Variants in UTY observed in about 807,000 individuals in gnomAD.
UTY encodes ubiquitously transcribed tetratricopeptide repeat containing, Y-linked.
Under a neutral mutation model 32.5 loss-of-function variants are expected in UTY, and 12 were observed. The observed-to-expected ratio is 0.37, with a 90% CI of 0.24 to 0.60. The LOEUF (loss-of-function observed/expected upper bound fraction) is 0.60, where lower values mean the gene tolerates loss of function less well. UTY is among the 20% of genes least tolerant of loss of function. The pLI, the probability that UTY is intolerant of heterozygous loss-of-function variation, is 0.69. For missense variants in UTY, 303 were observed against 299.2 expected (o/e 1.01, Z -0.09); for synonymous variants, 131 against 103.4 (o/e 1.27, Z -1.62).
At chrY:13,309,297 A>C (rs748321789) in intron 21 of UTY, among the ~76,000 whole-genome samples, 2 of 33,661 alleles carry the variant, frequency 5.9e-5, no homozygotes, top group African/African-American at 2.3e-4. Context: ...ATTTAAAACT[A>C]CCTAATGTAG....
intron 27 of UTY, among the ~76,000 whole-genome samples, chrY:13,263,877 A>C (rs2055497229): frequency 5.9e-5 from 2 of 33,621 alleles, no homozygotes; most frequent in South Asian, 1.3e-3. Flanking sequence ...TTGGCTGCAC[A>C]CATCAACCGG....
chrY:13,391,079 A>G, intron 8 of UTY, among the ~76,000 whole-genome samples: 1 of 33,108 alleles, frequency 3.0e-5, no homozygotes, highest in Non-Finnish European at 7.5e-5. Flanking sequence ...GTCCACTAAC[A>G]TGAAGTTACC....
chrY:13,454,208 C>G, intron 3 of UTY, among the ~76,000 whole-genome samples: 1 of 32,721 alleles, frequency 3.1e-5, no homozygotes, highest in Non-Finnish European at 7.5e-5. Flanking sequence ...GAGCCAAGAT[C>G]ACGTCACTGC....
intron 3 of UTY, among the ~76,000 whole-genome samples, chrY:13,467,195 C>T (rs2077988072): frequency 5.9e-5 from 2 of 33,973 alleles, no homozygotes; most frequent in African/African-American, 2.3e-4. Flanking sequence ...TGAGCCACTG[C>T]GCCTCACCAA....
In UTY at chrY:13,454,697, G is replaced by A. The variant is rs1603469391; in HGVS notation, c.326-5631C>T. 1.9e-4 allele frequency among the ~76,000 whole-genome samples: 6 copies of A among 31,981 alleles called. No individual in the cohort carries two copies. The East Asian group carries it at 2.5e-3, about 13-fold the overall frequency. 85.8% of individuals were successfully genotyped at this position (31,981 alleles called of 37,273 possible). A position where few individuals can be genotyped will look rare whatever the true frequency, so the allele number is the denominator to read the frequency against. The stretch of plus-strand genomic sequence containing the variant: ...TAACGCCTACAATCCTAGCACTTAC[G>A]GAGGCCAAGGTGGGCAGATCACCTG... On this transcript the variant is annotated intron_variant, in intron 3 of 29. Transcript: ENST00000545955.
chrY:13,327,930 G>A (rs1388767178), intron 18 of UTY, among the ~76,000 whole-genome samples: 1 of 33,441 alleles, frequency 3.0e-5, no homozygotes, highest in Non-Finnish European at 7.4e-5. Context: ...AACCACCTCC[G>A]TAAAAAAAGA....
At position 13,355,956 on chromosome Y, in the gene UTY, T is replaced by C. The variant is rs767364336; in HGVS notation, c.1632A>G (p.Glu544=). The C allele has an allele frequency of 5.1e-6, 2 of 393,337 alleles. No homozygotes were observed. Among genetic ancestry groups the C allele is most frequent in the Non-Finnish European group, 7.1e-6 (2 of 280,771 alleles). Residue 544 remains glutamate, a synonymous_variant, in exon 16 of 30, where the codon GAA becomes GAG. Transcript: ENST00000545955. Reference sequence around the variant, plus strand: ...TTAAGACAAACTGACTTTCTAACTGTTCCAGCTGATGCTTCTGTGCTGGAT... The same window carrying C: ...TTAAGACAAACTGACTTTCTAACTGCTCCAGCTGATGCTTCTGTGCTGGAT... ...NLNPAQKHQL[E]QLESQFVLMQ... is the part of the protein sequence containing the mutation.
chrY:13,463,444 G>C (rs2077608775), intron 3 of UTY, among the ~76,000 whole-genome samples: 1 of 33,284 alleles, frequency 3.0e-5, no homozygotes, highest in Non-Finnish European at 7.4e-5. Context: ...TCATCACACT[G>C]TCTTCCACAA....
intron 15 of UTY, among the ~76,000 whole-genome samples, chrY:13,356,414 C>G: frequency 3.3e-5 from 1 of 30,473 alleles, no homozygotes; most frequent in South Asian, 7.9e-4. Flanking sequence ...CTTGGCCTCC[C>G]AAAGTGCTGG....
intron 4 of UTY, among the ~76,000 whole-genome samples, chrY:13,446,619 T>TAGACAGACAGACAGACAGAC (rs1556515334): frequency 2.3e-3 from 33 of 14,266 alleles, no homozygotes; most frequent in East Asian, 0.017. Context: ...GATAGATAGA[T>TAGACAGACAGACAGACAGAC]AGACAGACAG....
chrY:13,362,087 A>G, intron 10 of UTY, among the ~76,000 whole-genome samples: 1 of 33,796 alleles, frequency 3.0e-5, no homozygotes, highest in African/African-American at 1.2e-4. Flanking sequence ...AATAAGCAGT[A>G]TTTTCTCAGA....
intron 17 of UTY, among the ~76,000 whole-genome samples, chrY:13,350,464 A>G (rs748271002): frequency 3.0e-5 from 1 of 33,401 alleles, no homozygotes; most frequent in East Asian, 7.7e-4. Context: ...TCTAAAAATT[A>G]AAGTATATTA....
At chrY:13,340,789 A>G in intron 17 of UTY, among the ~76,000 whole-genome samples, 1 of 33,354 alleles carries the variant, frequency 3.0e-5, no homozygotes. Flanking sequence ...ACCTGGGATG[A>G]TTGCAAACTT....
intron 27 of UTY, among the ~76,000 whole-genome samples, chrY:13,280,094 G>C: frequency 3.0e-5 from 1 of 33,803 alleles, no homozygotes; most frequent in Non-Finnish European, 7.3e-5. Context: ...AGAGTTATTG[G>C]CATTAAAGAG....
chrY:13,449,968 G>C, intron 3 of UTY, among the ~76,000 whole-genome samples: 1 of 33,557 alleles, frequency 3.0e-5, no homozygotes, highest in East Asian at 7.7e-4. Context: ...TGCTTCCACT[G>C]AATTTAGCTA....
At chrY:13,422,109 G>A (rs2072643341) in intron 4 of UTY, among the ~76,000 whole-genome samples, 1 of 33,237 alleles carries the variant, frequency 3.0e-5, no homozygotes, top group Admixed American at 2.7e-4. Flanking sequence ...CAGGAAATAT[G>A]CATGCTCATA....
intron 27 of UTY, among the ~76,000 whole-genome samples, chrY:13,296,275 C>G: frequency 2.9e-5 from 1 of 33,933 alleles, no homozygotes. Context: ...GGCAGCAATG[C>G]CCTGGCTTGT....
intron 2 of UTY, among the ~76,000 whole-genome samples, 161 bp from the exon 3 acceptor site, chrY:13,470,390 T>C: frequency 3.0e-5 from 1 of 33,709 alleles, no homozygotes; most frequent in Admixed American, 2.7e-4. Context: ...GGAAATAACT[T>C]CTCTTTAAGA....
Position 13,323,635 on chromosome Y carries a change from G to A in UTY, c.3196C>T (p.Arg1066Cys), listed in dbSNP as rs748415952. ...WDPTGTKKIW[R>C]CESNRSHTTI... ...GTATGAGATCTATTGCTTTCACAAC[G>A]CCAGATTTTCTTTGTTCCAGTGGGA... The change falls in exon 21 of 30, where the codon CGT (arginine) becomes TGT (cysteine). Residue 1066 changes from arginine (R) to cysteine (C), a missense_variant. Transcript: ENST00000545955. The A allele has an allele frequency of 2.5e-6, 1 of 397,763 alleles. No individual in the cohort carries two copies. The highest frequency in any genetic ancestry group is 3.5e-6 in the Non-Finnish European group (1 of 282,742).
Sources: gnomAD v4.1 joint callset for allele counts (sites outside exome capture counted in the v4.1 genomes callset) on GRCh38, gnomAD v4.1.1 for gene constraint, MANE v1.5 for transcripts, NCBI Gene and HGNC (gene_info 2026-07-23, HGNC 2026-07-21) for gene names.